NEDD8: variants seen among roughly 807,000 people sequenced by gnomAD.
NEDD8 encodes ubiquitin-like protein NEDD8.
Under a neutral mutation model 13.8 loss-of-function variants are expected in NEDD8, and 1 was observed. The ratio of observed to expected loss-of-function variants is 0.07; its 90% CI spans 0.03 to 0.34. The LOEUF (loss-of-function observed/expected upper bound fraction) is 0.34, where lower values mean the gene tolerates loss of function less well. NEDD8 is among the 10% of genes least tolerant of loss of function. The pLI, the probability that NEDD8 is intolerant of heterozygous loss-of-function variation, is 0.99. For synonymous variants in NEDD8, 31 were observed against 33.2 expected, an observed-to-expected ratio of 0.93 and a Z score of 0.23; for missense variants, 10 against 95.2, an observed-to-expected ratio of 0.10 and a Z score of 3.73.
chr14:24,226,376 G>A (rs2039891067), intron 1 of NEDD8, among the ~76,000 whole-genome samples: 1 of 150,752 alleles, frequency 6.6e-6, no homozygotes, highest in Admixed American at 6.6e-5. Flanking sequence ...TTGAACGAAG[G>A]TGGAGGTTGC....
At chr14:24,222,655 T>C (rs955233273) in intron 1 of NEDD8, among the ~76,000 whole-genome samples, 3 of 152,224 alleles carry the variant, frequency 2.0e-5, no homozygotes, top group African/African-American at 7.2e-5. Flanking sequence ...ATTGTAAAAG[T>C]TCTTTAAGAG....
intron 1 of NEDD8, chr14:24,231,710 T>G (rs900497306): frequency 6.5e-6 from 1 of 153,046 alleles, no homozygotes; most frequent in Admixed American, 6.5e-5. Context: ...AGGCAGGTAC[T>G]GACTGAACAC....
chr14:24,226,453 A>G (rs1177032608), intron 1 of NEDD8, among the ~76,000 whole-genome samples: 4 of 152,008 alleles, frequency 2.6e-5, no homozygotes, highest in African/African-American at 9.7e-5. Context: ...CTCAAAAAAA[A>G]AAAAAAAAAA....
In NEDD8 at chr14:24,217,066, TGAGA is replaced by T. The variant is rs1414155344; in HGVS notation, c.*57_*60del. 9 of 1,347,316 alleles carry T rather than the reference TGAGA, an allele frequency of 6.7e-6. No individual in the cohort carries two copies. The highest frequency in any genetic ancestry group is 9.4e-6 in the Non-Finnish European group (9 of 956,442). 83.5% of individuals were successfully genotyped at this position (1,347,316 alleles called of 1,614,324 possible). ...GCAGTGGCTATGGTGTCCCAGAGAGTGAGAGGATATATGATGCCTCATTATGAGC... is the reference window on the plus strand; with the variant it reads ...GCAGTGGCTATGGTGTCCCAGAGAGTGGATATATGATGCCTCATTATGAGC... On this transcript the variant is annotated 3_prime_UTR_variant, in exon 4 of 4. Transcript: ENST00000250495.
At chr14:24,221,233 A>C (rs1481755198) in intron 1 of NEDD8, among the ~76,000 whole-genome samples, 4 of 152,218 alleles carry the variant, frequency 2.6e-5, no homozygotes, top group African/African-American at 9.6e-5. Flanking sequence ...GTAACTTTAA[A>C]AAGACAAAAT....
intron 1 of NEDD8, 42 bp from the exon 2 acceptor site, chr14:24,218,473 T>G: frequency 6.2e-7 from 1 of 1,614,174 alleles, no homozygotes; most frequent in Middle Eastern, 1.6e-4. Context: ...AAGCCCAATG[T>G]ACAATTTGTC....
intron 1 of NEDD8, among the ~76,000 whole-genome samples, chr14:24,222,265 TCAAA>T (rs1215195306): frequency 6.6e-6 from 1 of 152,206 alleles, no homozygotes; most frequent in African/African-American, 2.4e-5. Context: ...TACAAATCCC[TCAAA>T]CAATGTTTAG....
chr14:24,218,515 G>C, intron 1 of NEDD8, 84 bp from the exon 2 acceptor site: 1 of 1,590,622 alleles, frequency 6.3e-7, no homozygotes, highest in Non-Finnish European at 8.6e-7. Context: ...TTGGTCTTTG[G>C]GATCTACTGC....
intron 1 of NEDD8, among the ~76,000 whole-genome samples, chr14:24,225,920 A>G (rs1242826564): frequency 1.3e-5 from 2 of 152,072 alleles, no homozygotes; most frequent in Admixed American, 1.3e-4. Context: ...ACGCACCTGT[A>G]TCCCAGCTAT....
intron 1 of NEDD8, among the ~76,000 whole-genome samples, chr14:24,226,354 C>G (rs897744666): frequency 1.4e-5 from 2 of 147,916 alleles, no homozygotes; most frequent in Admixed American, 1.4e-4. Flanking sequence ...ATTAGCTAGG[C>G]ATGGTGGACG....
At chr14:24,221,227 C>T (rs948413854) in intron 1 of NEDD8, among the ~76,000 whole-genome samples, 4 of 151,576 alleles carry the variant, frequency 2.6e-5, no homozygotes, top group African/African-American at 9.7e-5. Flanking sequence ...TTTGTGGTAA[C>T]TTTAAAAAGA....
At chr14:24,217,776 A>G (rs1465030823) in intron 3 of NEDD8, 1 of 195,614 alleles carries the variant, frequency 5.1e-6, no homozygotes, top group Admixed American at 5.5e-5. Flanking sequence ...GCAATTAACT[A>G]TTTTCTATCA....
intron 1 of NEDD8, among the ~76,000 whole-genome samples, chr14:24,229,191 A>G (rs1473370971): frequency 1.3e-5 from 2 of 152,156 alleles, no homozygotes; most frequent in African/African-American, 4.8e-5. Context: ...GTTTCCACAC[A>G]CAGCATTGAT....
chr14:24,220,955 C>CAA (rs1347246182), intron 1 of NEDD8, among the ~76,000 whole-genome samples: 1 of 152,190 alleles, frequency 6.6e-6, no homozygotes, highest in Non-Finnish European at 1.5e-5. Flanking sequence ...AACAAGAACT[C>CAA]AGAAAATTTC....
rs752485890 is a variant in NEDD8, at chr14:24,217,141, C to A, written c.232G>T (p.Gly78Cys). The change falls in exon 4 of 4, where the codon GGT (glycine) becomes TGT (cysteine). Residue 78 changes from glycine to cysteine, a missense_variant. Coordinates refer to ENST00000250495, the MANE Select transcript of NEDD8 (RefSeq NM_006156.3). ...HLVLALRGGGGLRQ is the reference protein window; with the variant it reads ...HLVLALRGGGCLRQ Reference sequence around the variant, plus strand: ...TGGAGGGTCCATCACTGCCTAAGACCACCTCCTCCTCTCAGAGCCAACACC... The same window carrying A: ...TGGAGGGTCCATCACTGCCTAAGACAACCTCCTCCTCTCAGAGCCAACACC... 2.2e-5 allele frequency: 35 copies of A among 1,612,656 alleles called. No individual in the cohort carries two copies. In the South Asian group the frequency reaches 2.4e-4, roughly 11 times the overall value.
intron 1 of NEDD8, among the ~76,000 whole-genome samples, chr14:24,225,381 G>A (rs1245721514): frequency 1.3e-5 from 2 of 152,052 alleles, no homozygotes; most frequent in South Asian, 2.1e-4. Context: ...AGACAATAGG[G>A]TAATTTGATG....
At chr14:24,222,551 G>A (rs2138890134) in intron 1 of NEDD8, among the ~76,000 whole-genome samples, 1 of 152,166 alleles carries the variant, frequency 6.6e-6, no homozygotes, top group South Asian at 2.1e-4. Context: ...AAAAAACAAT[G>A]TCCTTGATAA....
intron 3 of NEDD8, 132 bp downstream of exon 3, chr14:24,218,001 C>G: frequency 9.1e-7 from 1 of 1,093,268 alleles, no homozygotes; most frequent in South Asian, 1.5e-5. Context: ...GGCTTAGAGG[C>G]TTCACCAGAT....
At chr14:24,224,927 G>A (rs2039864633) in intron 1 of NEDD8, among the ~76,000 whole-genome samples, 1 of 152,220 alleles carries the variant, frequency 6.6e-6, no homozygotes, top group East Asian at 1.9e-4. Flanking sequence ...GGGAGGCCGA[G>A]GTGGGCGGGT....
Sources: gnomAD v4.1 joint callset for allele counts (sites outside exome capture counted in the v4.1 genomes callset) on GRCh38, gnomAD v4.1.1 for gene constraint, MANE v1.5 for transcripts, NCBI Gene and HGNC (gene_info 2026-07-23, HGNC 2026-07-21) for gene names.